The following SCHIP1 variants were observed in gnomAD, a reference collection of about 807,000 sequenced individuals.
SCHIP1 encodes schwannomin interacting protein 1.
Under a neutral mutation model 29.7 loss-of-function variants are expected in SCHIP1, and 8 were observed. The ratio of observed to expected loss-of-function variants is 0.27; its 90% CI spans 0.16 to 0.49. The LOEUF (loss-of-function observed/expected upper bound fraction) is 0.49. Among genes scored for constraint, SCHIP1 ranks in the 20% least tolerant of loss-of-function variants. The probability of loss-of-function intolerance (pLI) is 0.99; values close to 1 mark genes in which losing one functional copy is unlikely to be tolerated. For synonymous variants in SCHIP1, 76 were observed against 94.9 expected (o/e 0.80, Z 1.16); for missense variants, 193 against 294.6 (o/e 0.66, Z 2.52).
chr3:159,798,930 C>A, the SCHIP1 span, among the ~76,000 whole-genome samples: 32 of 152,078 alleles, frequency 2.1e-4, no homozygotes, highest in Non-Finnish European at 3.8e-4. Flanking sequence ...ATTTAAAATT[C>A]TTTCCTTATT....
chr3:159,589,520 G>A, the SCHIP1 span, among the ~76,000 whole-genome samples: 1 of 152,116 alleles, frequency 6.6e-6, no homozygotes, highest in Admixed American at 6.6e-5. Flanking sequence ...TGGTGAGAGA[G>A]GACATCCCTG....
the SCHIP1 span, chr3:159,273,881 A>G: frequency 1.9e-6 from 3 of 1,613,420 alleles, no homozygotes; most frequent in Non-Finnish European, 2.5e-6. Flanking sequence ...GCACTCTGAC[A>G]GTGTAAGTTT....
the SCHIP1 span, among the ~76,000 whole-genome samples, chr3:159,682,987 GT>G: frequency 1.3e-5 from 2 of 152,156 alleles, no homozygotes; most frequent in African/African-American, 4.8e-5. Context: ...ATTAGGGATG[GT>G]GTTAAAAATT....
the SCHIP1 span, among the ~76,000 whole-genome samples, chr3:159,582,496 A>G: frequency 6.6e-6 from 1 of 152,102 alleles, no homozygotes; most frequent in Non-Finnish European, 1.5e-5. Context: ...AGCATTTTTT[A>G]GCAATAAAGT....
At chr3:159,465,315 T>TTGTGTGTGTG in the SCHIP1 span, among the ~76,000 whole-genome samples, 62 of 148,368 alleles carry the variant, frequency 4.2e-4, no homozygotes, top group African/African-American at 1.5e-3. Flanking sequence ...ATGTGTATGA[T>TTGTGTGTGTG]TGTGTGTGTG....
At chr3:159,766,721 C>T in the SCHIP1 span, among the ~76,000 whole-genome samples, 8 of 152,272 alleles carry the variant, frequency 5.3e-5, no homozygotes, top group South Asian at 1.7e-3. Context: ...CATGTATGTG[C>T]TGTGTGCCAG....
At chr3:159,842,459 T>A (rs1744305871) in intron 1 of SCHIP1, among the ~76,000 whole-genome samples, 1 of 152,208 alleles carries the variant, frequency 6.6e-6, no homozygotes, top group Non-Finnish European at 1.5e-5. Context: ...CACTCCATAG[T>A]CTATTTTCAA....
At chr3:159,550,558 A>G in the SCHIP1 span, among the ~76,000 whole-genome samples, 5 of 152,152 alleles carry the variant, frequency 3.3e-5, no homozygotes, top group African/African-American at 9.7e-5. Flanking sequence ...TTTGCATGGC[A>G]TTAATTTCAT....
At chr3:159,482,450 G>A in the SCHIP1 span, among the ~76,000 whole-genome samples, 2 of 152,148 alleles carry the variant, frequency 1.3e-5, no homozygotes, top group African/African-American at 4.8e-5. Context: ...TCACTGAGAT[G>A]TAACACGATT....
At chr3:159,380,544 T>C in the SCHIP1 span, among the ~76,000 whole-genome samples, 1 of 152,178 alleles carries the variant, frequency 6.6e-6, no homozygotes, top group African/African-American at 2.4e-5. Context: ...TATATTAACA[T>C]AAAACATTAA....
chr3:159,725,437 T>A, the SCHIP1 span, among the ~76,000 whole-genome samples: 1 of 152,016 alleles, frequency 6.6e-6, no homozygotes, highest in African/African-American at 2.4e-5. Flanking sequence ...CCCAGCTAAT[T>A]TTTGTATTTT....
At chr3:159,300,781 G>A in the SCHIP1 span, among the ~76,000 whole-genome samples, 2 of 152,080 alleles carry the variant, frequency 1.3e-5, no homozygotes, top group East Asian at 1.9e-4. Context: ...TCTTTCTCAA[G>A]CCATAATTCC....
At chr3:159,680,730 A>ACATATATTATATATGTATATAT in the SCHIP1 span, among the ~76,000 whole-genome samples, 3 of 74,016 alleles carry the variant, frequency 4.1e-5, no homozygotes, top group Non-Finnish European at 6.9e-5. Context: ...GTATATATAT[A>ACATATATTATATATGTATATAT]ATATACATAT....
intron 6 of SCHIP1, among the ~76,000 whole-genome samples, chr3:159,895,519 A>G (rs1216099461): frequency 6.6e-6 from 1 of 152,148 alleles, no homozygotes; most frequent in African/African-American, 2.4e-5. Context: ...TGTCTTTTGC[A>G]GCCTTCAAAC....
At chr3:159,705,882 T>C in the SCHIP1 span, among the ~76,000 whole-genome samples, 4 of 152,004 alleles carry the variant, frequency 2.6e-5, no homozygotes, top group African/African-American at 4.8e-5. Context: ...AATTTTTGTA[T>C]TTTTAGTAGA....
At chr3:159,651,140 T>A in the SCHIP1 span, among the ~76,000 whole-genome samples, 1 of 152,212 alleles carries the variant, frequency 6.6e-6, no homozygotes, top group African/African-American at 2.4e-5. Context: ...CATTTTATTA[T>A]TACTTATGTT....
the SCHIP1 span, among the ~76,000 whole-genome samples, chr3:159,343,063 C>G: frequency 6.6e-6 from 1 of 152,068 alleles, no homozygotes; most frequent in Admixed American, 6.5e-5. Context: ...GTGCCAGGCC[C>G]TTTACAAGAT....
chr3:159,626,263 G>GATAGATATATCTATCTAT, the SCHIP1 span, among the ~76,000 whole-genome samples: 3 of 115,336 alleles, frequency 2.6e-5, no homozygotes, highest in African/African-American at 1.1e-4. Context: ...TAGATAGATA[G>GATAGATATATCTATCTAT]ATAGATAGAT....
intron 1 of SCHIP1, among the ~76,000 whole-genome samples, chr3:159,847,729 C>T (rs1712026596): frequency 6.6e-6 from 1 of 152,106 alleles, no homozygotes; most frequent in African/African-American, 2.4e-5. Context: ...TCTGTCTACT[C>T]CCAGCACTGC....
Sources: allele counts gnomAD v4.1 joint callset (sites outside exome capture counted in the v4.1 genomes callset), GRCh38; gene constraint gnomAD v4.1.1; transcripts MANE v1.5; gene names NCBI Gene and HGNC (gene_info 2026-07-23, HGNC 2026-07-21).